HECTD4: variants seen among roughly 807,000 people sequenced by gnomAD.
HECTD4 encodes the protein HECT domain E3 ubiquitin protein ligase 4.
HECTD4 carries 114 observed loss-of-function variants against 471.5 expected under a neutral mutation model. The ratio of observed to expected loss-of-function variants is 0.24; its 90% CI spans 0.21 to 0.28. HECTD4 has a LOEUF of 0.28. Ranked by LOEUF, HECTD4 falls within the 10% of genes least tolerant of loss-of-function variation. The pLI is 1.00. For missense variants in HECTD4, 3,866 were observed against 5,651.5 expected (o/e 0.68, Z 10.13); for synonymous variants, 2,012 against 2,256.0 (o/e 0.89, Z 3.07).
At chr12:112,249,162 C>T (rs1409626058) in intron 25 of HECTD4, among the ~76,000 whole-genome samples, 1 of 152,032 alleles carries the variant, frequency 6.6e-6, no homozygotes, top group Admixed American at 6.6e-5. Context: ...TGAGACCAGA[C>T]TGGCCAACGT....
intron 25 of HECTD4, among the ~76,000 whole-genome samples, chr12:112,248,870 C>T (rs561279675): frequency 6.6e-6 from 1 of 152,198 alleles, no homozygotes; most frequent in African/African-American, 2.4e-5. Flanking sequence ...CAGGCATGAG[C>T]CACCATGCCC....
At chr12:112,312,355 G>A (rs1179829938) in intron 4 of HECTD4, among the ~76,000 whole-genome samples, 1 of 152,142 alleles carries the variant, frequency 6.6e-6, no homozygotes, top group Non-Finnish European at 1.5e-5. Context: ...AATTCCGCTG[G>A]TGGGAGCAGA....
chr12:112,304,307 C>A (rs927348706), intron 7 of HECTD4, among the ~76,000 whole-genome samples: 2 of 137,248 alleles, frequency 1.5e-5, no homozygotes, highest in African/African-American at 5.5e-5. Context: ...CACACTGGTA[C>A]AATCAGGGCT....
chr12:112,369,708 C>G (rs1455444393), intron 1 of HECTD4, among the ~76,000 whole-genome samples: 5 of 152,060 alleles, frequency 3.3e-5, no homozygotes, highest in Non-Finnish European at 7.4e-5. Flanking sequence ...GAGGTCCTAT[C>G]AAACACTAAT....
Position 112,235,600 on chromosome 12 carries a change from C to G in HECTD4, c.5629G>C (p.Val1877Leu), listed in dbSNP as rs749970680. Residue 1877 changes from valine to leucine, a missense_variant, in exon 36 of 76, where the codon GTC becomes CTC. Physicochemically the swap from Val to Leu is conservative, Grantham distance 32. This residue lies in a region of HECTD4 where 617 missense variants were observed against 915.1 expected (regional missense o/e 0.67). Transcript: ENST00000682272. The surrounding 1 kb of genome is among the most constrained non-coding windows in gnomAD (Gnocchi z 5.0). ...NVELPPWSYS[V>L]PSLNSEQEDP... ...TCCTGCTCACTGTTTAAGGAGGGGA[C>G]AGAGTAGCTCCAGGGTGGGAGCTCC... 4 of 1,614,022 alleles carry G rather than the reference C, an allele frequency of 2.5e-6. No individual in the cohort carries two copies. The highest frequency in any genetic ancestry group is 2.2e-5 in the South Asian group (2 of 91,086).
intron 2 of HECTD4, among the ~76,000 whole-genome samples, chr12:112,318,874 C>T (rs2035536395): frequency 6.6e-6 from 1 of 152,190 alleles, no homozygotes; most frequent in Admixed American, 6.5e-5. Context: ...GACCATCCTC[C>T]TAGGAGAAGT....
intron 44 of HECTD4, among the ~76,000 whole-genome samples, chr12:112,222,724 C>T (rs2033134154): frequency 1.3e-5 from 2 of 152,128 alleles, no homozygotes; most frequent in African/African-American, 4.8e-5. Flanking sequence ...GTCCCAGCTA[C>T]TCAGGAGGCT....
At chr12:112,351,331 C>G (rs2036244852) in intron 1 of HECTD4, among the ~76,000 whole-genome samples, 1 of 152,192 alleles carries the variant, frequency 6.6e-6, no homozygotes, top group African/African-American at 2.4e-5. Flanking sequence ...TTGGCACTAT[C>G]ATCTCTAACC....
In HECTD4 at chr12:112,170,609, G is replaced by A. The variant is rs144887240; in HGVS notation, c.11933-157C>T. 7.9e-4 allele frequency: 665 copies of A among 840,304 alleles called. 5 individuals carry two copies. The highest frequency in any genetic ancestry group is 7.0e-3 in the African/African-American group (415 of 59,280). 52.1% of individuals were successfully genotyped at this position (840,304 alleles called of 1,614,324 possible). A position where few individuals can be genotyped will look rare whatever the true frequency, so the allele number is the denominator to read the frequency against. ...TGTGGAGGGTGGTGTGTCAGCATCC[G>A]CCCAGCATATACCCTTTGTCATTCC... On this transcript the variant is annotated intron_variant, in intron 68 of 75. Coordinates refer to ENST00000682272, the MANE Select transcript of HECTD4 (RefSeq NM_001388303.1).
rs756179300 is a variant in HECTD4, at chr12:112,169,743, G to A, written c.12053-85C>T. 7 of 1,509,758 alleles carry A rather than the reference G, an allele frequency of 4.6e-6. No individual in the cohort carries two copies. The East Asian group carries it at 6.8e-5, about 15-fold the overall frequency. 93.5% of individuals were successfully genotyped at this position (1,509,758 alleles called of 1,614,324 possible). A position where few individuals can be genotyped will look rare whatever the true frequency, so the allele number is the denominator to read the frequency against. ...TGAGGACAGACCCTGGGCCTAGCAGGCCTGTGCCTGTCCCTGGACCCCTGC... is the reference window on the plus strand; with the variant it reads ...TGAGGACAGACCCTGGGCCTAGCAGACCTGTGCCTGTCCCTGGACCCCTGC... On this transcript the variant is annotated intron_variant, in intron 69 of 75. Transcript: ENST00000682272.
intron 1 of HECTD4, among the ~76,000 whole-genome samples, chr12:112,356,947 T>C (rs76375845): frequency 0.012 from 1,780 of 152,310 alleles, 23 homozygotes; most frequent in East Asian, 0.04. Flanking sequence ...TTTGTACTTA[T>C]CTTGTCATTA....
In HECTD4 at chr12:112,179,025, C is replaced by A. The variant is rs762664507; in HGVS notation, c.11269G>T (p.Ala3757Ser). 1.9e-6 allele frequency: 3 copies of A among 1,613,910 alleles called. No homozygotes were observed. Among genetic ancestry groups the A allele is most frequent in the Middle Eastern group, 1.7e-4 (1 of 6,060 alleles). The stretch of plus-strand genomic sequence containing the variant: ...TTCACGGGGTGCTGCTCCTTCCCGG[C>A]CTTGCTGTACTTGCTCTTGTCAAAC... ...PKFDKSKYSK[A>S]GKEQHPVKVV... Residue 3757 changes from alanine (A) to serine (S), a missense_variant, in exon 64 of 76, where the codon GCC becomes TCC. Transcript: ENST00000682272. The surrounding 1 kb of genome is among the most constrained non-coding windows in gnomAD (Gnocchi z 4.3).
chr12:112,289,104 T>C (rs773837138), intron 7 of HECTD4, among the ~76,000 whole-genome samples: 14 of 152,182 alleles, frequency 9.2e-5, no homozygotes, highest in Non-Finnish European at 1.8e-4. Flanking sequence ...CTCTCTTCTT[T>C]TTCTTTTCTT....
At position 112,184,420 on chromosome 12, in the gene HECTD4, G is replaced by A; in HGVS notation, c.10546C>T (p.Leu3516Phe). The change falls in exon 61 of 76, where the codon CTC becomes TTC. Residue 3516 changes from leucine (L) to phenylalanine (F), a missense_variant. Physicochemically the swap from Leu to Phe is conservative, Grantham distance 22. This residue lies in a region of HECTD4 where 192 missense variants were observed against 189.9 expected (regional missense o/e 1.01). Transcript: ENST00000682272. This position sits in a 1 kb window ranked among gnomAD's most constrained non-coding sequence, Gnocchi z 9.1. ...DLSVDPLPAGLELPIPPGLLE... is the reference protein window; with the variant it reads ...DLSVDPLPAGFELPIPPGLLE... Reference sequence around the variant, plus strand: ...AGGCCCGGAGGGATGGGCAGCTCGAGGCCGGCAGGCAGCGGATCCACAGAG... The same window carrying A: ...AGGCCCGGAGGGATGGGCAGCTCGAAGCCGGCAGGCAGCGGATCCACAGAG... 1.9e-6 allele frequency: 3 copies of A among 1,606,166 alleles called. No individual in the cohort carries two copies. Among genetic ancestry groups the A allele is most frequent in the Non-Finnish European group, 2.5e-6 (3 of 1,177,194 alleles).
intron 4 of HECTD4, 76 bp from the exon 5 acceptor site, chr12:112,309,745 A>G: frequency 1.4e-6 from 1 of 697,718 alleles, no homozygotes; most frequent in Non-Finnish European, 2.3e-6. Context: ...TTTCTAATGA[A>G]AAAGCCATTA....
chr12:112,324,710 G>A (rs114875670), intron 1 of HECTD4, among the ~76,000 whole-genome samples: 2,276 of 151,956 alleles, frequency 0.015, 67 homozygotes, highest in African/African-American at 0.052. Flanking sequence ...TCAGTAACCA[G>A]CCTCCACTAT....
chr12:112,235,019 G>A lies in HECTD4; in HGVS notation c.5915+58C>T. 6.8e-7 allele frequency: 1 copy of A among 1,479,638 alleles called. No homozygotes were observed. The highest frequency in any genetic ancestry group is 9.2e-7 in the Non-Finnish European group (1 of 1,091,226). 91.7% of individuals were successfully genotyped at this position (1,479,638 alleles called of 1,614,324 possible). A position where few individuals can be genotyped will look rare whatever the true frequency, so the allele number is the denominator to read the frequency against. Reference sequence around the variant, plus strand: ...ACATGTACAGGGCTTACTTAGCACAGTGCCTGTGACATGGGTGGTGCTTGA... The same window carrying A: ...ACATGTACAGGGCTTACTTAGCACAATGCCTGTGACATGGGTGGTGCTTGA... On this transcript the variant is annotated intron_variant, in intron 37 of 75. Transcript: ENST00000682272. This position sits in a 1 kb window ranked among gnomAD's most constrained non-coding sequence, Gnocchi z 5.0.
chr12:112,225,296 G>GTGAAAAAA (rs2033202759), intron 44 of HECTD4, among the ~76,000 whole-genome samples: 1 of 135,152 alleles, frequency 7.4e-6, no homozygotes, highest in South Asian at 2.3e-4. Flanking sequence ...TAAACGGCAT[G>GTGAAAAAA]AGAAAAAGTA....
chr12:112,243,828 C>T lies in HECTD4; in HGVS notation c.4649+46G>A, dbSNP rs535796471. ...CTCAGGGAGCTTGTTTTGATGAATG[C>T]ATTCAGCTGCATGTGGGAACCCAAC... On this transcript the variant is annotated intron_variant, in intron 30 of 75. Coordinates refer to ENST00000682272, the MANE Select transcript of HECTD4 (RefSeq NM_001388303.1). The surrounding 1 kb of genome is among the most constrained non-coding windows in gnomAD (Gnocchi z 6.6). The T allele has an allele frequency of 3.7e-6, 6 of 1,610,926 alleles. No homozygotes were observed. The East Asian group carries it at 1.1e-4, about 30-fold the overall frequency.
Sources: allele counts gnomAD v4.1 joint callset (sites outside exome capture counted in the v4.1 genomes callset), GRCh38; gene constraint gnomAD v4.1.1; regional missense constraint gnomAD v4.1.1; non-coding constraint Gnocchi (gnomAD v3.1); transcripts MANE v1.5; gene names NCBI Gene and HGNC (gene_info 2026-07-23, HGNC 2026-07-21).